Variants in RBP4 observed in about 807,000 individuals in gnomAD.
RBP4 encodes retinol-binding protein 4.
A neutral mutation model predicts 26.2 loss-of-function variants in RBP4; 9 were observed. The observed-to-expected ratio is 0.34, with a 90% CI of 0.21 to 0.60. The LOEUF is 0.60. Ranked by LOEUF, RBP4 falls within the 20% of genes least tolerant of loss-of-function variation. RBP4 has a pLI of 0.80. For synonymous variants in RBP4, 114 were observed against 111.0 expected, an observed-to-expected ratio of 1.03 and a Z score of -0.17; for missense variants, 244 against 271.3, an observed-to-expected ratio of 0.90 and a Z score of 0.71.
rs1346605993 is a variant in RBP4, at chr10:93,592,036, A to C, written c.*39T>G. 2 of 1,538,882 alleles carry C rather than the reference A, an allele frequency of 1.3e-6. No homozygotes were observed. The highest frequency in any genetic ancestry group is 2.7e-5 in the African/African-American group (2 of 73,498). Reference sequence around the variant, plus strand: ...TAAATAGAGCTGAAGACTGAGAGCTAATCAGAAGTTCTCAGATGAAACTAG... The same window carrying C: ...TAAATAGAGCTGAAGACTGAGAGCTCATCAGAAGTTCTCAGATGAAACTAG... On this transcript the variant is annotated 3_prime_UTR_variant, in exon 6 of 6. Transcript: ENST00000371464.
intron 4 of RBP4, among the ~76,000 whole-genome samples, chr10:93,596,645 G>C (rs1396504903): frequency 6.6e-6 from 1 of 152,178 alleles, no homozygotes; most frequent in Non-Finnish European, 1.5e-5. Context: ...CTAGGAAGTG[G>C]GGTCATGCTG....
At position 93,600,660 on chromosome 10, in the gene RBP4, C is replaced by T. The variant is rs776000321; in HGVS notation, c.248+7G>A. 4 of 1,612,024 alleles carry T rather than the reference C, an allele frequency of 2.5e-6. No individual in the cohort carries two copies. Among genetic ancestry groups the T allele is most frequent in the Non-Finnish European group, 3.4e-6 (4 of 1,179,246 alleles). On this transcript the variant is annotated splice_region_variant and intron_variant, in intron 3 of 5. Coordinates refer to ENST00000371464, the MANE Select transcript of RBP4 (RefSeq NM_006744.4). The stretch of plus-strand genomic sequence containing the variant: ...CAAAGGGCGCAGCTGCCCCGGCGGC[C>T]ACTGACTTCAAAAGACGGACTCGGC...
intron 4 of RBP4, among the ~76,000 whole-genome samples, chr10:93,595,223 A>C (rs1159621972): frequency 6.6e-6 from 1 of 152,182 alleles, no homozygotes; most frequent in Non-Finnish European, 1.5e-5. Context: ...TTGAGATAAA[A>C]GTGCCACATC....
rs1423150733 is a variant in RBP4, at chr10:93,601,225, G to C, written c.-73C>G. The C allele has an allele frequency of 8.0e-7, 1 of 1,247,830 alleles. No homozygotes were observed. Among genetic ancestry groups the C allele is most frequent in the East Asian group, 3.4e-5 (1 of 29,672 alleles). The allele number at this position is 1,247,830 out of a possible 1,614,324, so 77.3% of individuals were successfully genotyped here. On this transcript the variant is annotated 5_prime_UTR_variant, in exon 1 of 6. Transcript: ENST00000371464. ...GCCGCCGAGTCCGGGCGCGCGTGGA[G>C]CGAGGGAGGCGAGCGCGCCGCGGCC...
upstream of RBP4, chr10:93,601,506 C>A: frequency 1.4e-6 from 1 of 704,874 alleles, no homozygotes; most frequent in Non-Finnish European, 2.3e-6. Context: ...CTCGTGCCAG[C>A]GGCCGCCAGC....
chr10:93,596,201 CTT>C (rs3215968), intron 4 of RBP4, among the ~76,000 whole-genome samples: 107 of 134,638 alleles, frequency 7.9e-4, no homozygotes, highest in African/African-American at 1.5e-3. Flanking sequence ...GGCAGCTTAA[CTT>C]TTTTTTTTTT....
At chr10:93,593,225 C>T (rs150234653) in intron 5 of RBP4, among the ~76,000 whole-genome samples, 5 of 152,316 alleles carry the variant, frequency 3.3e-5, no homozygotes, top group Non-Finnish European at 5.9e-5. Flanking sequence ...CTTTCCTGCA[C>T]AATGTTCCTG....
intron 2 of RBP4, 21 bp from the exon 3 acceptor site, chr10:93,600,824 G>A: frequency 1.2e-6 from 2 of 1,606,326 alleles, no homozygotes; most frequent in Non-Finnish European, 1.7e-6. Context: ...GATGACAGCA[G>A]GGGTTTGGCG....
In RBP4 at chr10:93,592,044, G is replaced by A. The variant is rs988953536; in HGVS notation, c.*31C>T. The A allele has an allele frequency of 1.3e-6, 2 of 1,587,154 alleles. No individual in the cohort carries two copies. The highest frequency in any genetic ancestry group is 1.7e-6 in the Non-Finnish European group (2 of 1,155,458). Reference sequence around the variant, plus strand: ...GCTGAAGACTGAGAGCTAATCAGAAGTTCTCAGATGAAACTAGATTCTTGA... The same window carrying A: ...GCTGAAGACTGAGAGCTAATCAGAAATTCTCAGATGAAACTAGATTCTTGA... On this transcript the variant is annotated 3_prime_UTR_variant, in exon 6 of 6. Coordinates refer to ENST00000371464, the MANE Select transcript of RBP4 (RefSeq NM_006744.4).
intron 4 of RBP4, among the ~76,000 whole-genome samples, chr10:93,599,848 T>C (rs910773939): frequency 7.9e-5 from 12 of 152,208 alleles, no homozygotes; most frequent in African/African-American, 2.7e-4. Flanking sequence ...CATCTGATTT[T>C]CACAGCTTAG....
chr10:93,601,035 C>G lies in RBP4; in HGVS notation c.-7G>C. ...GCGCCCACACCCACTTCATCTTGCC[C>G]AGGAATCCGCCCTGCGGGAGACGCG... On this transcript the variant is annotated 5_prime_UTR_variant, in exon 2 of 6. Coordinates refer to ENST00000371464, the MANE Select transcript of RBP4 (RefSeq NM_006744.4). 2 of 1,609,368 alleles carry G rather than the reference C, an allele frequency of 1.2e-6. No individual in the cohort carries two copies. The highest frequency in any genetic ancestry group is 8.5e-7 in the Non-Finnish European group (1 of 1,179,612).
intron 4 of RBP4, among the ~76,000 whole-genome samples, chr10:93,599,669 A>G (rs903060016): frequency 1.3e-5 from 2 of 152,184 alleles, no homozygotes; most frequent in Non-Finnish European, 1.5e-5. Context: ...ATTCCATGAT[A>G]TGTGTCCCCT....
In RBP4 at chr10:93,600,336, G is replaced by T. The variant is rs1308454984; in HGVS notation, c.355+57C>A. ...GGTACCTCTGGAGAAGAAACCCAGC[G>T]ATTTGGCCCGGTAGGCGCCCCATTC... On this transcript the variant is annotated intron_variant, in intron 4 of 5. Transcript: ENST00000371464. 12 of 1,462,970 alleles carry T rather than the reference G, an allele frequency of 8.2e-6. No individual in the cohort carries two copies. In the East Asian group the frequency reaches 1.1e-4, roughly 14 times the overall value. 90.6% of individuals were successfully genotyped at this position (1,462,970 alleles called of 1,614,324 possible). A position where few individuals can be genotyped will look rare whatever the true frequency, so the allele number is the denominator to read the frequency against.
chr10:93,593,780 TG>T, intron 5 of RBP4, 42 bp downstream of exon 5: 1 of 1,599,980 alleles, frequency 6.3e-7, no homozygotes, highest in East Asian at 2.2e-5. Flanking sequence ...CCAAACCCAC[TG>T]CCCTGCAGGA....
upstream of RBP4, chr10:93,601,526 G>A (rs1160507716): frequency 3.0e-6 from 2 of 676,050 alleles, no homozygotes; most frequent in South Asian, 3.7e-5. Context: ...CTGCGGTCTA[G>A]GGTGGCCTCC....
Position 93,593,900 on chromosome 10 carries a change from G to T in RBP4, c.491C>A (p.Pro164Gln). 6.2e-7 allele frequency: 1 copy of T among 1,613,860 alleles called. No individual in the cohort carries two copies. The highest frequency in any genetic ancestry group is 8.5e-7 in the Non-Finnish European group (1 of 1,180,036). Residue 164 changes from proline to glutamine, a missense_variant, in exon 5 of 6, where the codon CCA becomes CAA. By Grantham distance (76) the Pro-to-Gln change is moderately conservative (BLOSUM62 -1). Coordinates refer to ENST00000371464, the MANE Select transcript of RBP4 (RefSeq NM_006744.4). ...VFSRDPNGLP[P>Q]EAQKIVRQRQ... The stretch of plus-strand genomic sequence containing the variant: ...CTGCCTTACAATCTTCTGCGCTTCT[G>T]GGGGCAGGCCGTTGGGGTCCCGGGA...
In RBP4 at chr10:93,592,019, G is replaced by T; in HGVS notation, c.*56C>A. 1.4e-6 allele frequency: 2 copies of T among 1,425,806 alleles called. No homozygotes were observed. Among genetic ancestry groups the T allele is most frequent in the Non-Finnish European group, 2.0e-6 (2 of 1,008,502 alleles). The allele number at this position is 1,425,806 out of a possible 1,614,324, so 88.3% of individuals were successfully genotyped here. ...AAATTAAACTCCTAAGATAAATAGA[G>T]CTGAAGACTGAGAGCTAATCAGAAG... On this transcript the variant is annotated 3_prime_UTR_variant, in exon 6 of 6. Coordinates refer to ENST00000371464, the MANE Select transcript of RBP4 (RefSeq NM_006744.4).
In RBP4 at chr10:93,600,530, C is replaced by G. The variant is rs372328986; in HGVS notation, c.249-31G>C. On this transcript the variant is annotated intron_variant, in intron 3 of 5. Transcript: ENST00000371464. ...AAAGCCAAGGGGATCCTCAGCCAAG[C>G]CGGGCAAAGGGCTTCCTCCCTCCCT... 6.0e-5 allele frequency: 97 copies of G among 1,613,504 alleles called. No homozygotes were observed. The African/African-American group carries it at 1.2e-3, about 20-fold the overall frequency.
In RBP4 at chr10:93,593,900, G is replaced by C. The variant is rs761576794; in HGVS notation, c.491C>G (p.Pro164Arg). ...VFSRDPNGLP[P>R]EAQKIVRQRQ... ...CTGCCTTACAATCTTCTGCGCTTCT[G>C]GGGGCAGGCCGTTGGGGTCCCGGGA... The change falls in exon 5 of 6, where the codon CCA becomes CGA. Residue 164 changes from proline to arginine, a missense_variant. Pro to Arg is a moderately radical substitution (Grantham distance 103, BLOSUM62 -2). Coordinates refer to ENST00000371464, the MANE Select transcript of RBP4 (RefSeq NM_006744.4). 23 of 1,613,742 alleles carry C rather than the reference G, an allele frequency of 1.4e-5. No individual in the cohort carries two copies. The highest frequency in any genetic ancestry group is 1.9e-5 in the Non-Finnish European group (22 of 1,180,044).
Sources: gnomAD v4.1 joint callset for allele counts (sites outside exome capture counted in the v4.1 genomes callset) on GRCh38, gnomAD v4.1.1 for gene constraint, MANE v1.5 for transcripts, NCBI Gene and HGNC (gene_info 2026-07-23, HGNC 2026-07-21) for gene names.